CSMD1: variants seen among roughly 807,000 people sequenced by gnomAD.
The protein encoded by CSMD1 is CUB and sushi domain-containing protein 1.
A neutral mutation model predicts 417.5 loss-of-function variants in CSMD1; 213 were observed. That is an observed-to-expected ratio of 0.51 (90% CI 0.46 to 0.57). The LOEUF (loss-of-function observed/expected upper bound fraction) is 0.57. Ranked by LOEUF, CSMD1 falls within the 20% of genes least tolerant of loss-of-function variation. The pLI is 0.00. For synonymous variants in CSMD1, 2,862 were observed against 1,736.8 expected (o/e 1.65, Z -16.11); for missense variants, 6,923 against 4,529.7 (o/e 1.53, Z -15.17).
At chr8:3,644,832 C>G (rs1222555052) in intron 7 of CSMD1, among the ~76,000 whole-genome samples, 1 of 151,900 alleles carries the variant, frequency 6.6e-6, no homozygotes, top group East Asian at 1.9e-4. Flanking sequence ...CCAGGAACCC[C>G]GATGTGGTAA....
rs563866688 is a variant in CSMD1 at position 3,052,571 on chromosome 8, C to G, written c.7551G>C (p.Val2517=). The G allele has an allele frequency of 2.6e-5, 42 of 1,611,120 alleles. No homozygotes were observed. The Admixed American group carries it at 3.0e-4, about 12-fold the overall frequency. The change falls in exon 50 of 70, where the codon GTG becomes GTC. Residue 2517 remains valine, a synonymous_variant. Transcript: ENST00000635120. ...TGNEFTLDSK[V]VYECHEGFKL... ...TGAAGCCCTCATGACATTCATAGAC[C>G]ACTTTACTGTCCAAAGTGAACTCGT...
At chr8:4,238,436 G>A (rs1377180316) in intron 3 of CSMD1, among the ~76,000 whole-genome samples, 1 of 152,144 alleles carries the variant, frequency 6.6e-6, no homozygotes. Flanking sequence ...AATCAATACT[G>A]TGATTCCCTC....
Position 4,033,887 on chromosome 8 carries a change from T to C in CSMD1, c.416-1788A>G, listed in dbSNP as rs183804537. Among the ~76,000 whole-genome samples, 191 of 152,306 alleles carry C rather than the reference T, an allele frequency of 1.3e-3. 1 individual carries two copies. The highest frequency in any genetic ancestry group is 4.3e-3 in the African/African-American group (179 of 41,560). ...ACATCATTCAGTTGAATGGATGAAATTCATCATTGTTGGCTATTGTATCCA... is the reference window on the plus strand; with the variant it reads ...ACATCATTCAGTTGAATGGATGAAACTCATCATTGTTGGCTATTGTATCCA... On this transcript the variant is annotated intron_variant, in intron 3 of 69. Transcript: ENST00000635120.
At chr8:4,259,140 A>G (rs1328982090) in intron 3 of CSMD1, among the ~76,000 whole-genome samples, 1 of 152,086 alleles carries the variant, frequency 6.6e-6, no homozygotes, top group Non-Finnish European at 1.5e-5. Flanking sequence ...AATTAGGCCT[A>G]CCTCCAAACT....
At chr8:4,506,683 AC>A (rs1563241178) in intron 2 of CSMD1, among the ~76,000 whole-genome samples, 1 of 152,068 alleles carries the variant, frequency 6.6e-6, no homozygotes, top group African/African-American at 2.4e-5. Flanking sequence ...ACAGAGCTTA[AC>A]CTCCTCTGAA....
At chr8:3,519,186 T>G (rs1019635712) in intron 10 of CSMD1, among the ~76,000 whole-genome samples, 1 of 152,180 alleles carries the variant, frequency 6.6e-6, no homozygotes, top group Non-Finnish European at 1.5e-5. Flanking sequence ...CCTGAACACG[T>G]GATTAATTAT....
At chr8:4,467,954 T>G (rs1217684) in intron 2 of CSMD1, among the ~76,000 whole-genome samples, 1 of 152,052 alleles carries the variant, frequency 6.6e-6, no homozygotes, top group Non-Finnish European at 1.5e-5. Flanking sequence ...CAAAGTAATA[T>G]GATGGTTTAC....
chr8:4,883,171 T>G (rs761994797), intron 1 of CSMD1, among the ~76,000 whole-genome samples: 2 of 152,064 alleles, frequency 1.3e-5, no homozygotes, highest in Non-Finnish European at 2.9e-5. Context: ...TTTTCTCTTG[T>G]GCAAGAATGC....
chr8:3,211,924 G>T (rs1037657139), intron 30 of CSMD1, among the ~76,000 whole-genome samples: 5 of 152,192 alleles, frequency 3.3e-5, no homozygotes, highest in African/African-American at 1.2e-4. Context: ...ACAAGAGGGG[G>T]TGGAGGTGTG....
chr8:3,270,700 T>C (rs1801781066), intron 26 of CSMD1, among the ~76,000 whole-genome samples: 2 of 152,190 alleles, frequency 1.3e-5, no homozygotes, highest in Non-Finnish European at 2.9e-5. Context: ...CCATTTACTT[T>C]AAACTATTTA....
At chr8:4,151,855 G>T (rs77727758) in intron 3 of CSMD1, among the ~76,000 whole-genome samples, 11 of 152,106 alleles carry the variant, frequency 7.2e-5, no homozygotes, top group Admixed American at 4.6e-4. Flanking sequence ...ATATTTCCAT[G>T]TACCTTTTCT....
At chr8:4,932,859 TCAAA>T (rs1807335741) in intron 1 of CSMD1, among the ~76,000 whole-genome samples, 1 of 152,238 alleles carries the variant, frequency 6.6e-6, no homozygotes, top group African/African-American at 2.4e-5. Context: ...TGTCGACGCC[TCAAA>T]CATAGGAAAA....
chr8:4,672,176 A>C (rs1805372670), intron 1 of CSMD1, among the ~76,000 whole-genome samples: 1 of 152,214 alleles, frequency 6.6e-6, no homozygotes, highest in South Asian at 2.1e-4. Context: ...TCCATTTGCC[A>C]AGTGTCCTGG....
At chr8:3,549,590 T>C (rs1235482088) in intron 10 of CSMD1, among the ~76,000 whole-genome samples, 1 of 152,126 alleles carries the variant, frequency 6.6e-6, no homozygotes, top group African/African-American at 2.4e-5. Flanking sequence ...AATTACTGGA[T>C]TATTGTGAGA....
At chr8:4,964,251 C>T (rs1301936417) in intron 1 of CSMD1, among the ~76,000 whole-genome samples, 1 of 151,872 alleles carries the variant, frequency 6.6e-6, no homozygotes, top group African/African-American at 2.4e-5. Flanking sequence ...TGGTGGCTAA[C>T]ACCTGTAATC....
At chr8:3,933,549 G>A (rs955691409) in intron 5 of CSMD1, among the ~76,000 whole-genome samples, 10 of 152,154 alleles carry the variant, frequency 6.6e-5, no homozygotes, top group African/African-American at 2.4e-4. Flanking sequence ...AGAGATGAGA[G>A]TCCTGGCAAA....
At chr8:4,852,616 T>A (rs925805952) in intron 1 of CSMD1, among the ~76,000 whole-genome samples, 17 of 152,122 alleles carry the variant, frequency 1.1e-4, no homozygotes, top group Non-Finnish European at 2.9e-5. Context: ...ATAAAGATAC[T>A]TGAAAATATG....
intron 2 of CSMD1, among the ~76,000 whole-genome samples, chr8:4,423,324 A>C (rs530668473): frequency 6.6e-6 from 1 of 152,108 alleles, no homozygotes; most frequent in African/African-American, 2.4e-5. Context: ...AGGAATCTAC[A>C]AGAAAATTTG....
At position 3,724,017 on chromosome 8, in the gene CSMD1, C is replaced by T. The variant is rs1585992; in HGVS notation, c.932-15526G>A. Among the ~76,000 whole-genome samples the T allele has an allele frequency of 6.8e-3, 354 of 52,162 alleles. 92 individuals carry two copies. Among genetic ancestry groups the T allele is most frequent in the Admixed American group, 0.06 (328 of 5,506 alleles). 34.2% of individuals were successfully genotyped at this position (52,162 alleles called of 152,430 possible). A position where few individuals can be genotyped will look rare whatever the true frequency, so the allele number is the denominator to read the frequency against. ...ATTATCTAAGAGGGATATTAAAATA[C>T]GCCTCTCTTTTTCAACTTTCTATCT... On this transcript the variant is annotated intron_variant, in intron 6 of 69. Coordinates refer to ENST00000635120, the MANE Select transcript of CSMD1 (RefSeq NM_033225.6).
Sources: gnomAD v4.1 joint callset for allele counts (sites outside exome capture counted in the v4.1 genomes callset) on GRCh38, gnomAD v4.1.1 for gene constraint, MANE v1.5 for transcripts, NCBI Gene and HGNC (gene_info 2026-07-23, HGNC 2026-07-21) for gene names.